The following TECTA variants were observed in gnomAD, a reference collection of about 807,000 sequenced individuals.
The protein encoded by TECTA is tectorin alpha.
A neutral mutation model predicts 216.8 loss-of-function variants in TECTA; 128 were observed. The ratio of observed to expected loss-of-function variants is 0.59; its 90% CI spans 0.51 to 0.68. TECTA has a LOEUF of 0.68. Ranked by LOEUF, TECTA falls within the 30% of genes least tolerant of loss-of-function variation. TECTA has a pLI of 0.00. For missense variants in TECTA, 2,551 were observed against 2,786.2 expected, an observed-to-expected ratio of 0.92 and a Z score of 1.90; for synonymous variants, 1,089 against 1,117.1, an observed-to-expected ratio of 0.97 and a Z score of 0.50.
chr11:121,114,406 G>A (rs1016665813), intron 6 of TECTA, among the ~76,000 whole-genome samples: 11 of 152,154 alleles, frequency 7.2e-5, no homozygotes, highest in Non-Finnish European at 8.8e-5. Flanking sequence ...ACTCACCATG[G>A]ACTTTCAGAG....
chr11:121,157,452 G>A (rs916378357), intron 13 of TECTA, among the ~76,000 whole-genome samples: 2 of 152,106 alleles, frequency 1.3e-5, no homozygotes, highest in African/African-American at 4.8e-5. Flanking sequence ...AATTAGCTGG[G>A]TGTGGTGGCG....
At chr11:121,121,543 CTA>C (rs1171391719) in intron 7 of TECTA, among the ~76,000 whole-genome samples, 2 of 152,044 alleles carry the variant, frequency 1.3e-5, no homozygotes, top group Non-Finnish European at 2.9e-5. Flanking sequence ...CACAATGACT[CTA>C]TAGGGAGAGT....
At chr11:121,117,225 A>G (rs937248612) in intron 6 of TECTA, among the ~76,000 whole-genome samples, 4 of 152,204 alleles carry the variant, frequency 2.6e-5, no homozygotes, top group Admixed American at 6.5e-5. Context: ...TTTTTATAAC[A>G]TCGCTGTTCT....
At chr11:121,119,341 GC>G (rs923067892) in intron 7 of TECTA, among the ~76,000 whole-genome samples, 7 of 152,088 alleles carry the variant, frequency 4.6e-5, no homozygotes, top group African/African-American at 1.7e-4. Flanking sequence ...TGAAAGCTCT[GC>G]CCAGACACCC....
At chr11:121,189,968 C>T in intron 23 of TECTA, 88 bp downstream of exon 23, 1 of 1,094,250 alleles carries the variant, frequency 9.1e-7, no homozygotes, top group Non-Finnish European at 1.4e-6. Flanking sequence ...TTGAAGGCCA[C>T]TCGGTCAGCA....
Position 121,127,726 on chromosome 11 carries a change from C to G in TECTA, c.1775-26C>G. ...ACTCCGGGTCCATTCACCTTGTTAT[C>G]GGCTCTCTTCCTTTCCCCGCGTCAG... On this transcript the variant is annotated intron_variant, in intron 8 of 23. Transcript: ENST00000392793. The surrounding 1 kb of genome is among the most constrained non-coding windows in gnomAD (Gnocchi z 5.0). 6.2e-7 allele frequency: 1 copy of G among 1,612,784 alleles called. No individual in the cohort carries two copies. The highest frequency in any genetic ancestry group is 8.5e-7 in the Non-Finnish European group (1 of 1,178,842).
At chr11:121,122,595 G>A (rs2135073136) in intron 7 of TECTA, among the ~76,000 whole-genome samples, 1 of 145,964 alleles carries the variant, frequency 6.9e-6, no homozygotes, top group South Asian at 2.2e-4. Flanking sequence ...CAGCACTTTT[G>A]GAGGCCAAGG....
chr11:121,139,563 C>T (rs1338426180), intron 11 of TECTA, among the ~76,000 whole-genome samples: 1 of 152,138 alleles, frequency 6.6e-6, no homozygotes, highest in African/African-American at 2.4e-5. Flanking sequence ...TGGTGGCAGA[C>T]ACCTGTAATC....
Position 121,137,790 on chromosome 11 carries a change from G to A in TECTA, c.3311G>A (p.Gly1104Asp), listed in dbSNP as rs1231103416. Residue 1104 changes from glycine to aspartate, a missense_variant, in exon 11 of 24, where the codon GGC becomes GAC. Coordinates refer to ENST00000392793, the MANE Select transcript of TECTA (RefSeq NM_005422.4). ...ACCGACGCCTCCTGCATCGTCTCAG[G>A]CTACGGCCACTACCTCACCTTTGAT... ...ARTDASCIVS[G>D]YGHYLTFDGF... The A allele has an allele frequency of 6.2e-7, 1 of 1,613,946 alleles. No homozygotes were observed. The highest frequency in any genetic ancestry group is 1.1e-5 in the South Asian group (1 of 91,084).
intron 13 of TECTA, among the ~76,000 whole-genome samples, chr11:121,154,773 A>G (rs892820674): frequency 4.6e-5 from 7 of 152,206 alleles, no homozygotes; most frequent in African/African-American, 1.7e-4. Flanking sequence ...TGCATAAATA[A>G]TCTATGCTGG....
chr11:121,105,858 T>G lies in TECTA; in HGVS notation c.92T>G (p.Phe31Cys), dbSNP rs1419140766. 2 of 1,614,200 alleles carry G rather than the reference T, an allele frequency of 1.2e-6. No homozygotes were observed. Among genetic ancestry groups the G allele is most frequent in the South Asian group, 2.2e-5 (2 of 91,084 alleles). The change falls in exon 3 of 24, where the codon TTT becomes TGT. Residue 31 changes from phenylalanine to cysteine, a missense_variant. Coordinates refer to ENST00000392793, the MANE Select transcript of TECTA (RefSeq NM_005422.4). This position sits in a 1 kb window ranked among gnomAD's most constrained non-coding sequence, Gnocchi z 5.3. ...QAQPRELMYP[F>C]WQNDTKTPKV... The stretch of plus-strand genomic sequence containing the variant: ...CAGCCCAGGGAGCTCATGTATCCAT[T>G]TTGGCAGAATGACACCAAAACCCCT...
chr11:121,190,553 T>A (rs914884329), intron 23 of TECTA, among the ~76,000 whole-genome samples, 153 bp from the exon 24 acceptor site: 4 of 152,232 alleles, frequency 2.6e-5, no homozygotes, highest in Non-Finnish European at 4.4e-5. Context: ...TTGGATTAAT[T>A]CTGCTACTTT....
intron 11 of TECTA, among the ~76,000 whole-genome samples, chr11:121,142,268 C>T (rs1432397509): frequency 1.3e-5 from 2 of 152,182 alleles, no homozygotes; most frequent in East Asian, 1.9e-4. Flanking sequence ...ACCTTCTCAT[C>T]GTCTTCTGCG....
intron 10 of TECTA, 130 bp downstream of exon 10, chr11:121,130,341 C>T (rs1946661824): frequency 1.9e-6 from 2 of 1,052,110 alleles, no homozygotes; most frequent in South Asian, 3.3e-5. Context: ...GTATACCTAC[C>T]CTAGTCTGAT....
At chr11:121,128,909 C>G (rs568177475) in intron 9 of TECTA, among the ~76,000 whole-genome samples, 3 of 152,322 alleles carry the variant, frequency 2.0e-5, no homozygotes, top group East Asian at 1.9e-4. Flanking sequence ...AGATCCTTAG[C>G]TCTAGAAGGA....
chr11:121,143,812 G>A (rs995143314), intron 11 of TECTA, among the ~76,000 whole-genome samples: 2 of 152,360 alleles, frequency 1.3e-5, no homozygotes, highest in East Asian at 3.9e-4. Context: ...CTGGGAAAGT[G>A]AGGATAGCAC....
intron 12 of TECTA, among the ~76,000 whole-genome samples, chr11:121,148,778 A>G (rs769796300): frequency 5.9e-5 from 9 of 152,244 alleles, no homozygotes; most frequent in Non-Finnish European, 1.0e-4. Flanking sequence ...GTTTCTATCA[A>G]TGGAATAATT....
Position 121,157,927 on chromosome 11 carries a change from C to T in TECTA, c.4392C>T (p.Cys1464=), listed in dbSNP as rs776910636. ...RNVIQCDPRQ[C]KSDEECALRN... Reference sequence around the variant, plus strand: ...TGATTCAGTGCGACCCGCGCCAATGCAAGTCAGACGAGGAGTGTGCGCTGC... The same window carrying T: ...TGATTCAGTGCGACCCGCGCCAATGTAAGTCAGACGAGGAGTGTGCGCTGC... Residue 1464 remains cysteine (C), a synonymous_variant, in exon 14 of 24, where the codon TGC becomes TGT. Transcript: ENST00000392793. 1.2e-6 allele frequency: 2 copies of T among 1,614,172 alleles called. No individual in the cohort carries two copies. The highest frequency in any genetic ancestry group is 2.2e-5 in the East Asian group (1 of 44,892).
intron 20 of TECTA, among the ~76,000 whole-genome samples, chr11:121,180,451 T>C (rs2134208475): frequency 1.3e-5 from 2 of 152,350 alleles, no homozygotes; most frequent in South Asian, 4.1e-4. Context: ...TTGCATTCTC[T>C]CCTATCCTAC....
Sources: allele counts gnomAD v4.1 joint callset (sites outside exome capture counted in the v4.1 genomes callset), GRCh38; gene constraint gnomAD v4.1.1; non-coding constraint Gnocchi (gnomAD v3.1); transcripts MANE v1.5; gene names NCBI Gene and HGNC (gene_info 2026-07-23, HGNC 2026-07-21).